The following DISC1 variants were observed in gnomAD, a reference collection of about 807,000 sequenced individuals.
DISC1 encodes the protein disrupted in schizophrenia 1 protein.
Under a neutral mutation model 84.5 loss-of-function variants are expected in DISC1, and 57 were observed. That is an observed-to-expected ratio of 0.67 (90% confidence interval 0.55 to 0.84). The LOEUF (loss-of-function observed/expected upper bound fraction) is 0.84, where lower values mean the gene tolerates loss of function less well. DISC1 is among the 40% of genes least tolerant of loss of function. The pLI is 0.00. For synonymous variants in DISC1, 411 were observed against 415.2 expected, an observed-to-expected ratio of 0.99 and a Z score of 0.12; for missense variants, 1,000 against 1,057.8, an observed-to-expected ratio of 0.95 and a Z score of 0.76.
chr1:231,841,028 C>T (rs2083016386), intron 9 of DISC1, among the ~76,000 whole-genome samples: 1 of 152,190 alleles, frequency 6.6e-6, no homozygotes, highest in African/African-American at 2.4e-5. Flanking sequence ...TCGAACATTC[C>T]TAATCTGAAA....
chr1:231,758,278 A>G (rs992548520), intron 4 of DISC1, among the ~76,000 whole-genome samples: 20 of 152,076 alleles, frequency 1.3e-4, no homozygotes, highest in Admixed American at 1.3e-3. Flanking sequence ...CTAAATATAG[A>G]CAGATATCCA....
intron 1 of DISC1, among the ~76,000 whole-genome samples, chr1:231,662,137 A>T (rs555009562): frequency 7.9e-5 from 12 of 152,320 alleles, no homozygotes; most frequent in Non-Finnish European, 1.5e-5. Context: ...GCTCTGTGCC[A>T]GGGGGATACT....
chr1:231,907,144 T>TC (rs2088793245), intron 9 of DISC1, among the ~76,000 whole-genome samples: 2 of 23,474 alleles, frequency 8.5e-5, no homozygotes, highest in African/African-American at 2.0e-4. Context: ...TTTCTTTCTT[T>TC]CTTTCTTTCT....
rs1042583855 is a variant in DISC1 at position 232,009,316 on chromosome 1, T to C, written c.2307+267T>C. The C allele has an allele frequency of 8.1e-7, 1 of 1,233,484 alleles. No homozygotes were observed. Among genetic ancestry groups the C allele is most frequent in the African/African-American group, 1.5e-5 (1 of 65,192 alleles). 76.4% of individuals were successfully genotyped at this position (1,233,484 alleles called of 1,614,324 possible). On this transcript the variant is annotated intron_variant, in intron 11 of 12. Transcript: ENST00000439617. This position sits in a 1 kb window ranked among gnomAD's most constrained non-coding sequence, Gnocchi z 4.6. ...TAGTGGCTAGAATTAGAATATGCAG[T>C]CTAATATAGAATTACCATATATAGC...
Position 231,626,861 on chromosome 1 carries a change from G to A in DISC1, c.-7G>A, listed in dbSNP as rs3738399. 0.018 allele frequency: 25,604 copies of A among 1,449,772 alleles called. 1,515 individuals carry two copies. The East Asian group carries it at 0.23, about 13-fold the overall frequency. 89.8% of individuals were successfully genotyped at this position (1,449,772 alleles called of 1,614,324 possible). On this transcript the variant is annotated 5_prime_UTR_variant, in exon 1 of 13. Coordinates refer to ENST00000439617, the MANE Select transcript of DISC1 (RefSeq NM_018662.3). Reference sequence around the variant, plus strand: ...AGGCGGAGCGGGAGGAGCTGGCAGCGGGGCGCATGCCAGGCGGGGGTCCTC... The same window carrying A: ...AGGCGGAGCGGGAGGAGCTGGCAGCAGGGCGCATGCCAGGCGGGGGTCCTC...
At chr1:231,903,878 C>T (rs1329792097) in intron 9 of DISC1, among the ~76,000 whole-genome samples, 9 of 152,222 alleles carry the variant, frequency 5.9e-5, no homozygotes, top group Non-Finnish European at 1.0e-4. Flanking sequence ...AGAAGAGTCA[C>T]GTGATCTGAC....
rs1162893845 is a variant in DISC1 at position 231,694,683 on chromosome 1, C to G, written c.925C>G (p.Leu309Val). 6.2e-7 allele frequency: 1 copy of G among 1,614,240 alleles called. No individual in the cohort carries two copies. The highest frequency in any genetic ancestry group is 2.2e-5 in the East Asian group (1 of 44,882). The change falls in exon 2 of 13, where the codon CTG becomes GTG. Residue 309 changes from leucine (L) to valine (V), a missense_variant. Leu to Val is a conservative substitution (Grantham distance 32, BLOSUM62 1). Coordinates refer to ENST00000439617, the MANE Select transcript of DISC1 (RefSeq NM_018662.3). ...CTCCTCCAGTTCTCTGGATCCCTCA[C>G]TGGCTGGCTGTGGTGGTGATGGGAG... ...PGSSSSLDPS[L>V]AGCGGDGSSG...
chr1:231,893,226 T>C (rs963198111), intron 9 of DISC1, among the ~76,000 whole-genome samples: 2 of 151,878 alleles, frequency 1.3e-5, no homozygotes, highest in African/African-American at 4.8e-5. Context: ...AATCAGAGGG[T>C]ACATTGTGAG....
chr1:231,642,277 C>T (rs2059783888), intron 1 of DISC1, among the ~76,000 whole-genome samples: 1 of 152,250 alleles, frequency 6.6e-6, no homozygotes, highest in East Asian at 1.9e-4. Flanking sequence ...CGGTTCCCGC[C>T]CGCGCCTCTC....
intron 10 of DISC1, among the ~76,000 whole-genome samples, chr1:231,975,032 A>AG (rs1662588154): frequency 6.6e-6 from 1 of 152,142 alleles, no homozygotes; most frequent in Non-Finnish European, 1.5e-5. Context: ...CCTGGGAGGC[A>AG]AGGTTGCAGT....
At chr1:231,729,767 T>C (rs1033868400) in intron 3 of DISC1, among the ~76,000 whole-genome samples, 5 of 150,664 alleles carry the variant, frequency 3.3e-5, no homozygotes, top group African/African-American at 1.2e-4. Flanking sequence ...ACTCAAAGAA[T>C]TTAAGCTGTT....
At chr1:232,006,824 G>T (rs2266581) in intron 10 of DISC1, among the ~76,000 whole-genome samples, 42,995 of 152,016 alleles carry the variant, frequency 0.28, 6,355 homozygotes, top group African/African-American at 0.33. Context: ...AGGTCTTCAT[G>T]GCAGCCCCTC....
intron 10 of DISC1, among the ~76,000 whole-genome samples, chr1:232,000,463 A>C (rs1344824801): frequency 6.6e-6 from 1 of 152,184 alleles, no homozygotes; most frequent in Non-Finnish European, 1.5e-5. Flanking sequence ...GGACATAGCA[A>C]AAGATCCACC....
intron 1 of DISC1, among the ~76,000 whole-genome samples, chr1:231,679,940 T>C (rs554665108): frequency 6.6e-6 from 1 of 152,250 alleles, no homozygotes; most frequent in South Asian, 2.1e-4. Flanking sequence ...CTCTTAAAAC[T>C]TACAAGGCCA....
In DISC1 at chr1:231,678,811, G is replaced by A. The variant is rs893481738; in HGVS notation, c.68-15015G>A. ...CTCCCAAGTAGCTGGGACTACAGGC[G>A]CCCGCCACCACGCCTGGCTAATTGT... On this transcript the variant is annotated intron_variant, in intron 1 of 12. Transcript: ENST00000439617. Among the ~76,000 whole-genome samples, 7 of 151,892 alleles carry A rather than the reference G, an allele frequency of 4.6e-5. No individual in the cohort carries two copies. The South Asian group carries it at 6.2e-4, about 14-fold the overall frequency.
At chr1:231,801,880 G>A (rs984503028) in intron 8 of DISC1, among the ~76,000 whole-genome samples, 5 of 150,598 alleles carry the variant, frequency 3.3e-5, no homozygotes, top group Non-Finnish European at 5.9e-5. Flanking sequence ...GTGCAATGGC[G>A]CGATCTCGGC....
At chr1:232,000,871 A>G (rs977353566) in intron 10 of DISC1, among the ~76,000 whole-genome samples, 4 of 152,210 alleles carry the variant, frequency 2.6e-5, no homozygotes, top group Admixed American at 6.5e-5. Context: ...GGAAATAAAT[A>G]TATTCCCAGA....
intron 1 of DISC1, among the ~76,000 whole-genome samples, chr1:231,651,150 G>GT (rs1256236798): frequency 6.3e-4 from 96 of 152,138 alleles, no homozygotes; most frequent in Admixed American, 6.3e-3. Flanking sequence ...AGGTGCTCTG[G>GT]TTTTTAGGAT....
chr1:231,678,390 C>A (rs1036155647), intron 1 of DISC1, among the ~76,000 whole-genome samples: 1 of 152,180 alleles, frequency 6.6e-6, no homozygotes, highest in Non-Finnish European at 1.5e-5. Context: ...TTTGCTTCCA[C>A]TATTATGGTT....
Sources: allele counts gnomAD v4.1 joint callset (sites outside exome capture counted in the v4.1 genomes callset), GRCh38; gene constraint gnomAD v4.1.1; non-coding constraint Gnocchi (gnomAD v3.1); transcripts MANE v1.5; gene names NCBI Gene and HGNC (gene_info 2026-07-23, HGNC 2026-07-21).